The following NKAIN3 variants were observed in gnomAD, a reference collection of about 807,000 sequenced individuals.
The protein encoded by NKAIN3 is sodium/potassium transporting ATPase interacting 3, also known as sodium/potassium-transporting ATPase subunit beta-1-interacting protein 3.
In NKAIN3, 25 loss-of-function variants were observed where a neutral mutation model predicts 30.2. The observed-to-expected ratio is 0.83, with a 90% CI of 0.60 to 1.16. The LOEUF (loss-of-function observed/expected upper bound fraction) is 1.16. Ranked by LOEUF, NKAIN3 falls within the 50% of genes most tolerant of loss-of-function variation. The pLI, the probability that NKAIN3 is intolerant of heterozygous loss-of-function variation, is 0.00. For synonymous variants in NKAIN3, 91 were observed against 89.6 expected (o/e 1.02, Z -0.09); for missense variants, 225 against 254.1 (o/e 0.89, Z 0.78).
downstream of NKAIN3, among the ~76,000 whole-genome samples, chr8:62,988,224 T>G (rs1381750130): frequency 1.3e-5 from 2 of 152,172 alleles, no homozygotes; most frequent in Non-Finnish European, 2.9e-5. Flanking sequence ...TCTATGGCTT[T>G]TCCAGATGCA....
In NKAIN3 at chr8:62,304,576, A is replaced by C. The variant is rs936217162; in HGVS notation, c.54+55449A>C. Among the ~76,000 whole-genome samples the C allele has an allele frequency of 9.3e-5, 14 of 150,502 alleles. 3 individuals carry two copies. Among genetic ancestry groups the C allele is most frequent in the African/African-American group, 3.3e-4 (13 of 39,902 alleles). ...CATTTCTTTGTATGTGTATTTGTTA[A>C]AATGTAAAGATGCAAACATAATGAA... is the stretch of plus-strand genomic sequence containing the variant. On this transcript the variant is annotated intron_variant, in intron 1 of 6. Coordinates refer to ENST00000623646, the MANE Select transcript of NKAIN3 (RefSeq NM_001304533.3).
chr8:62,932,763 G>C (rs761597136), intron 5 of NKAIN3, among the ~76,000 whole-genome samples: 1 of 152,010 alleles, frequency 6.6e-6, no homozygotes, highest in Non-Finnish European at 1.5e-5. Context: ...TTTAGAGACA[G>C]GGTCTCTCTC....
At chr8:62,865,314 T>C (rs1820384485) in intron 4 of NKAIN3, among the ~76,000 whole-genome samples, 1 of 152,254 alleles carries the variant, frequency 6.6e-6, no homozygotes, top group Non-Finnish European at 1.5e-5. Flanking sequence ...TCTTACCAAA[T>C]TCTACCAATA....
chr8:62,385,772 A>G (rs1242715821), intron 1 of NKAIN3, among the ~76,000 whole-genome samples: 1 of 152,168 alleles, frequency 6.6e-6, no homozygotes, highest in Non-Finnish European at 1.5e-5. Flanking sequence ...AGAATGGTGT[A>G]TAAATGGCAT....
At chr8:62,255,677 C>T (rs554915598) in intron 1 of NKAIN3, among the ~76,000 whole-genome samples, 1 of 152,238 alleles carries the variant, frequency 6.6e-6, no homozygotes, top group East Asian at 1.9e-4. Flanking sequence ...TTTGGACTTA[C>T]GGGTGGCAGA....
intron 4 of NKAIN3, among the ~76,000 whole-genome samples, chr8:62,757,646 C>T (rs1004887080): frequency 1.3e-5 from 2 of 152,128 alleles, no homozygotes; most frequent in South Asian, 2.1e-4. Flanking sequence ...ATTTAACTTC[C>T]ATCTAAGGCG....
chr8:62,951,009 A>G (rs1348529439), intron 5 of NKAIN3, among the ~76,000 whole-genome samples: 1 of 149,980 alleles, frequency 6.7e-6, no homozygotes, highest in Admixed American at 6.7e-5. Flanking sequence ...CTGTAAGAAA[A>G]CCAACAATAC....
intron 4 of NKAIN3, among the ~76,000 whole-genome samples, chr8:62,913,777 AAAC>A (rs1347494880): frequency 7.9e-5 from 12 of 152,228 alleles, no homozygotes; most frequent in Admixed American, 5.2e-4. Context: ...TGCAAAATAA[AAAC>A]AACAATGATC....
rs71255362 is a variant in NKAIN3 at position 62,796,383 on chromosome 8, C to CAAAAA, written c.471+49279_471+49283dup. Among the ~76,000 whole-genome samples the CAAAAA allele has an allele frequency of 6.1e-4, 33 of 53,750 alleles. 4 individuals carry two copies. The highest frequency in any genetic ancestry group is 1.8e-3 in the African/African-American group (21 of 11,808). The allele number at this position is 53,750 out of a possible 152,430, so 35.3% of individuals were successfully genotyped here. On this transcript the variant is annotated intron_variant, in intron 4 of 6. Coordinates refer to ENST00000623646, the MANE Select transcript of NKAIN3 (RefSeq NM_001304533.3). ...TGAGCAACAAAGTGAGACTCTGTCT[C>CAAAAA]AAAAAAAAAAAAAAAAAAAAAAAAA... is the stretch of plus-strand genomic sequence containing the variant.
intron 4 of NKAIN3, among the ~76,000 whole-genome samples, chr8:62,766,836 A>G (rs1013867193): frequency 1.3e-5 from 2 of 152,112 alleles, no homozygotes; most frequent in Non-Finnish European, 2.9e-5. Flanking sequence ...AAGAACATTA[A>G]ACCTATGACA....
At chr8:62,801,028 T>C (rs1417632196) in intron 4 of NKAIN3, among the ~76,000 whole-genome samples, 1 of 152,148 alleles carries the variant, frequency 6.6e-6, no homozygotes, top group Non-Finnish European at 1.5e-5. Context: ...CACAGCAGTC[T>C]GAGATCAAAC....
At chr8:62,952,825 A>G (rs1016454193) in intron 5 of NKAIN3, among the ~76,000 whole-genome samples, 3 of 152,210 alleles carry the variant, frequency 2.0e-5, no homozygotes, top group Admixed American at 2.0e-4. Flanking sequence ...TTTTAATTTT[A>G]TAATTTCCCT....
intron 3 of NKAIN3, among the ~76,000 whole-genome samples, chr8:62,711,931 T>C (rs1814735200): frequency 6.6e-6 from 1 of 152,220 alleles, no homozygotes; most frequent in Non-Finnish European, 1.5e-5. Context: ...CACGGGGTGT[T>C]CCCTTGATGA....
chr8:62,745,213 C>G (rs900158060), intron 3 of NKAIN3, among the ~76,000 whole-genome samples: 1 of 152,194 alleles, frequency 6.6e-6, no homozygotes, highest in Non-Finnish European at 1.5e-5. Context: ...TAGGTGTCTC[C>G]TTGGCAACTG....
chr8:62,892,693 T>TA (rs5891874), intron 4 of NKAIN3, among the ~76,000 whole-genome samples: 22 of 150,982 alleles, frequency 1.5e-4, no homozygotes, highest in African/African-American at 2.2e-4. Context: ...TTTTATTTGG[T>TA]AAAAAAAAAA....
At chr8:62,805,895 C>A (rs892844899) in intron 4 of NKAIN3, among the ~76,000 whole-genome samples, 16 of 152,074 alleles carry the variant, frequency 1.1e-4, no homozygotes, top group Non-Finnish European at 1.8e-4. Flanking sequence ...ATTTTTGCAA[C>A]CTACTCATCT....
At chr8:62,402,531 A>G (rs367673868) in intron 1 of NKAIN3, among the ~76,000 whole-genome samples, 2 of 149,770 alleles carry the variant, frequency 1.3e-5, no homozygotes, top group East Asian at 4.5e-4. Flanking sequence ...CCTCCATGCC[A>G]TTCTCATGAT....
chr8:62,795,534 A>G (rs907008417), intron 4 of NKAIN3, among the ~76,000 whole-genome samples: 4 of 151,978 alleles, frequency 2.6e-5, no homozygotes, highest in African/African-American at 7.3e-5. Flanking sequence ...TCCAGAATTT[A>G]CTCGCTATAG....
chr8:62,860,940 G>A (rs1820220019), intron 4 of NKAIN3, among the ~76,000 whole-genome samples: 1 of 152,178 alleles, frequency 6.6e-6, no homozygotes, highest in Non-Finnish European at 1.5e-5. Context: ...CCTCATTCCA[G>A]GACAGGCAGA....
Sources: gnomAD v4.1 joint callset for allele counts (sites outside exome capture counted in the v4.1 genomes callset) on GRCh38, gnomAD v4.1.1 for gene constraint, MANE v1.5 for transcripts, NCBI Gene and HGNC (gene_info 2026-07-23, HGNC 2026-07-21) for gene names.